The following MAF variants were observed in gnomAD, a reference collection of about 807,000 sequenced individuals.
MAF encodes MAF bZIP transcription factor.
In MAF, 10 loss-of-function variants were observed where a neutral mutation model predicts 22.0. The ratio of observed to expected loss-of-function variants is 0.45; its 90% CI spans 0.28 to 0.77. The LOEUF (loss-of-function observed/expected upper bound fraction) is 0.77. Ranked by LOEUF, MAF falls within the 30% of genes least tolerant of loss-of-function variation. The probability of loss-of-function intolerance (pLI) is 0.12; values close to 1 mark genes in which losing one functional copy is unlikely to be tolerated. For missense variants in MAF, 544 were observed against 548.4 expected, an observed-to-expected ratio of 0.99 and a Z score of 0.08; for synonymous variants, 337 against 255.8, an observed-to-expected ratio of 1.32 and a Z score of -3.03.
chr16:79,487,636 G>A, the MAF span, among the ~76,000 whole-genome samples: 7 of 152,034 alleles, frequency 4.6e-5, no homozygotes, highest in South Asian at 2.1e-4. Context: ...TATACCCTTC[G>A]GGGAAAAAAT....
the MAF span, among the ~76,000 whole-genome samples, chr16:79,282,240 G>A: frequency 6.6e-6 from 1 of 152,180 alleles, no homozygotes; most frequent in African/African-American, 2.4e-5. Context: ...AAAGTGGAAT[G>A]GAGACTCGGA....
the MAF span, among the ~76,000 whole-genome samples, chr16:79,544,719 G>C: frequency 1.4e-5 from 2 of 147,948 alleles, no homozygotes; most frequent in African/African-American, 2.5e-5. Flanking sequence ...CTCACAGTAA[G>C]CTGAGATTGC....
the MAF span, among the ~76,000 whole-genome samples, chr16:79,566,822 G>T: frequency 6.6e-6 from 1 of 152,278 alleles, no homozygotes; most frequent in South Asian, 2.1e-4. Flanking sequence ...AAGGCCTTTG[G>T]AACCCTGTGG....
the MAF span, among the ~76,000 whole-genome samples, chr16:79,217,824 T>C: frequency 1.3e-5 from 2 of 151,998 alleles, no homozygotes; most frequent in East Asian, 3.9e-4. Flanking sequence ...CTGTGGCTTG[T>C]GGTTTTGCTT....
At chr16:79,554,856 C>T in the MAF span, among the ~76,000 whole-genome samples, 5 of 152,124 alleles carry the variant, frequency 3.3e-5, no homozygotes, top group East Asian at 1.9e-4. Context: ...ACTGATTCTG[C>T]GTGATTTTTC....
chr16:79,406,302 G>A, the MAF span, among the ~76,000 whole-genome samples: 1 of 152,208 alleles, frequency 6.6e-6, no homozygotes, highest in Non-Finnish European at 1.5e-5. Flanking sequence ...TCCCCAAGGA[G>A]CATAGGATTC....
chr16:79,404,143 G>A, the MAF span, among the ~76,000 whole-genome samples: 1 of 149,150 alleles, frequency 6.7e-6, no homozygotes, highest in Non-Finnish European at 1.5e-5. Context: ...CCCTTAACAT[G>A]CATTTTACCG....
At chr16:79,547,051 G>C in the MAF span, among the ~76,000 whole-genome samples, 228 of 152,222 alleles carry the variant, frequency 1.5e-3, no homozygotes, top group African/African-American at 5.0e-3. Flanking sequence ...ACATGCGTAC[G>C]AGTTTGAAGC....
chr16:79,579,800 G>C, the MAF span, among the ~76,000 whole-genome samples: 1 of 152,094 alleles, frequency 6.6e-6, no homozygotes, highest in South Asian at 2.1e-4. Context: ...GCAAACATGG[G>C]AAGGTGCCTT....
the MAF span, among the ~76,000 whole-genome samples, chr16:79,453,505 T>C: frequency 6.6e-6 from 1 of 152,354 alleles, no homozygotes; most frequent in East Asian, 1.9e-4. Context: ...CCATCTTCAT[T>C]AAGTATTCAT....
At chr16:79,405,571 G>T in the MAF span, among the ~76,000 whole-genome samples, 1 of 152,116 alleles carries the variant, frequency 6.6e-6, no homozygotes, top group South Asian at 2.1e-4. Flanking sequence ...GACCCACACC[G>T]TTTATCCCTT....
At chr16:79,453,431 A>C in the MAF span, among the ~76,000 whole-genome samples, 2 of 152,224 alleles carry the variant, frequency 1.3e-5, no homozygotes, top group African/African-American at 4.8e-5. Flanking sequence ...ATAGAAGATA[A>C]AGGACCATTC....
the MAF span, among the ~76,000 whole-genome samples, chr16:79,510,695 A>T: frequency 8.5e-5 from 13 of 152,220 alleles, no homozygotes; most frequent in South Asian, 2.1e-4. Context: ...TGTGCCCTCA[A>T]AGGGGACATA....
At chr16:79,498,036 T>C in the MAF span, among the ~76,000 whole-genome samples, 5 of 152,194 alleles carry the variant, frequency 3.3e-5, no homozygotes, top group African/African-American at 7.2e-5. Flanking sequence ...AGGTAGGACT[T>C]TCCATTCCCT....
the MAF span, among the ~76,000 whole-genome samples, chr16:79,337,514 G>T: frequency 6.6e-5 from 10 of 152,290 alleles, no homozygotes; most frequent in East Asian, 1.9e-3. Flanking sequence ...GTTGCAGTGA[G>T]CCAAGATCGT....
At chr16:79,372,066 ATT>A in the MAF span, among the ~76,000 whole-genome samples, 148 of 132,380 alleles carry the variant, frequency 1.1e-3, no homozygotes, top group African/African-American at 1.2e-3. Flanking sequence ...AGGGAGAGGA[ATT>A]TTTTTTTTTT....
At chr16:79,415,037 T>C in the MAF span, among the ~76,000 whole-genome samples, 15 of 152,198 alleles carry the variant, frequency 9.9e-5, no homozygotes, top group South Asian at 4.1e-4. Flanking sequence ...TTGCATTTCA[T>C]TGAACAAAAC....
At chr16:79,598,503 G>A (rs1215796017) in intron 1 of MAF, 4 of 1,335,178 alleles carry the variant, frequency 3.0e-6, no homozygotes, top group South Asian at 1.6e-5. Flanking sequence ...ATTTCAGATT[G>A]GCAATCCATG....
At chr16:79,503,293 G>C in the MAF span, among the ~76,000 whole-genome samples, 1 of 152,106 alleles carries the variant, frequency 6.6e-6, no homozygotes, top group African/African-American at 2.4e-5. Context: ...ACGATGCTAA[G>C]TAGTTAAATC....
Sources: allele counts gnomAD v4.1 joint callset (sites outside exome capture counted in the v4.1 genomes callset), GRCh38; gene constraint gnomAD v4.1.1; transcripts MANE v1.5; gene names NCBI Gene and HGNC (gene_info 2026-07-23, HGNC 2026-07-21).